Variants in SORCS2 observed in about 807,000 individuals in gnomAD.
SORCS2 encodes the protein VPS10 domain-containing receptor SorCS2.
A neutral mutation model predicts 141.6 loss-of-function variants in SORCS2; 100 were observed. The observed-to-expected ratio is 0.71, with a 90% confidence interval of 0.60 to 0.83. The LOEUF (loss-of-function observed/expected upper bound fraction) is 0.83, where lower values mean the gene tolerates loss of function less well. Ranked by LOEUF, SORCS2 falls within the 40% of genes least tolerant of loss-of-function variation. The pLI is 0.00. For missense variants in SORCS2, 1,646 were observed against 1,560.2 expected (o/e 1.05, Z -0.93); for synonymous variants, 789 against 676.9 (o/e 1.17, Z -2.57).
chr4:7,550,109 CGTGTGTGTGTGTGTATGTGTGTAT>C (rs1481640138), intron 3 of SORCS2, among the ~76,000 whole-genome samples: 3 of 129,734 alleles, frequency 2.3e-5, no homozygotes, highest in Non-Finnish European at 4.9e-5. Flanking sequence ...TTTTTTTTTC[CGTGTGTGTGTGTGTATGTGTGTAT>C]GTGTGTGTGT....
chr4:7,489,227 C>T (rs1731171827), intron 2 of SORCS2, among the ~76,000 whole-genome samples: 2 of 152,202 alleles, frequency 1.3e-5, no homozygotes, highest in Admixed American at 1.3e-4. Context: ...TGGCAGGAAG[C>T]TGGAACTGGT....
At chr4:7,403,986 TATATATATATA>T (rs1369055860) in intron 2 of SORCS2, among the ~76,000 whole-genome samples, 543 of 9,026 alleles carry the variant, frequency 0.06, 6 homozygotes, top group Middle Eastern at 0.25. Flanking sequence ...TATATATATA[TATATATATATA>T]TTTTTTTTTT....
chr4:7,388,017 G>GGC (rs1219612324), intron 1 of SORCS2, among the ~76,000 whole-genome samples: 1 of 106,102 alleles, frequency 9.4e-6, no homozygotes, highest in Non-Finnish European at 2.0e-5. Context: ...CATGCATACA[G>GGC]ATACACAGAT....
At chr4:7,393,641 G>C (rs1013736181) in intron 1 of SORCS2, among the ~76,000 whole-genome samples, 1 of 152,140 alleles carries the variant, frequency 6.6e-6, no homozygotes. Flanking sequence ...GCTCCTGGGG[G>C]CATGGGGGCA....
chr4:7,251,383 G>A (rs1026870482), intron 1 of SORCS2, among the ~76,000 whole-genome samples: 8 of 152,162 alleles, frequency 5.3e-5, no homozygotes, highest in African/African-American at 7.2e-5. Context: ...TATTCAAAAC[G>A]TGGAGAGAGG....
intron 1 of SORCS2, among the ~76,000 whole-genome samples, chr4:7,316,076 A>C (rs1352041828): frequency 2.0e-5 from 3 of 151,858 alleles, no homozygotes; most frequent in African/African-American, 7.3e-5. Context: ...CCATCTGTGC[A>C]TCTGTCCATC....
rs546038016 is a variant in SORCS2, at chr4:7,578,895, C to G, written c.648+47266C>G. Among the ~76,000 whole-genome samples the G allele has an allele frequency of 3.9e-5, 6 of 152,328 alleles. No individual in the cohort carries two copies. The South Asian group carries it at 1.2e-3, about 32-fold the overall frequency. On this transcript the variant is annotated intron_variant, in intron 3 of 26. Transcript: ENST00000507866. Reference sequence around the variant, plus strand: ...TTTGCTGGATAGAAGCCCACCTTATCCCTAAGTTTACTACTTCTCACTACT... The same window carrying G: ...TTTGCTGGATAGAAGCCCACCTTATGCCTAAGTTTACTACTTCTCACTACT...
At chr4:7,588,457 TG>T (rs1489191825) in intron 3 of SORCS2, among the ~76,000 whole-genome samples, 1 of 152,212 alleles carries the variant, frequency 6.6e-6, no homozygotes, top group Non-Finnish European at 1.5e-5. Flanking sequence ...GAGGAGGATC[TG>T]GGGAACTGGC....
At chr4:7,728,521 GC>G in intron 22 of SORCS2, 59 bp downstream of exon 22, 1 of 1,296,138 alleles carries the variant, frequency 7.7e-7, no homozygotes. Flanking sequence ...ATCCAGAGAA[GC>G]CCAAGGGCCC....
At chr4:7,373,735 A>T (rs1354266646) in intron 1 of SORCS2, among the ~76,000 whole-genome samples, 1 of 150,780 alleles carries the variant, frequency 6.6e-6, no homozygotes, top group African/African-American at 2.4e-5. Context: ...CAAGTGATCC[A>T]CCCGCCTCGG....
At chr4:7,536,180 G>T (rs1041761187) in intron 3 of SORCS2, among the ~76,000 whole-genome samples, 1 of 152,220 alleles carries the variant, frequency 6.6e-6, no homozygotes, top group African/African-American at 2.4e-5. Flanking sequence ...AGGCTCCACT[G>T]TTCCTTCTCT....
intron 3 of SORCS2, among the ~76,000 whole-genome samples, chr4:7,537,545 G>T (rs533492389): frequency 1.6e-3 from 243 of 152,294 alleles, no homozygotes; most frequent in African/African-American, 5.3e-3. Context: ...GCTTTGTCCA[G>T]TCTTATAGAG....
intron 4 of SORCS2, among the ~76,000 whole-genome samples, chr4:7,647,675 T>C (rs548743946): frequency 6.6e-6 from 1 of 152,332 alleles, no homozygotes; most frequent in Non-Finnish European, 1.5e-5. Flanking sequence ...GATCCAGTTC[T>C]GATATGGACG....
At chr4:7,685,688 A>AATATATATATATATATATATATATAT (rs5855976) in intron 10 of SORCS2, among the ~76,000 whole-genome samples, 14 of 149,604 alleles carry the variant, frequency 9.4e-5, no homozygotes, top group African/African-American at 3.5e-4. Context: ...AAAATAAATA[A>AATATATATATATATATATATATATAT]ATATATATAT....
chr4:7,692,320 A>G (rs1013875950), intron 11 of SORCS2, among the ~76,000 whole-genome samples: 3 of 152,168 alleles, frequency 2.0e-5, no homozygotes, highest in Admixed American at 1.3e-4. Context: ...CCCGCCGTTC[A>G]TTCCTGAATT....
chr4:7,297,115 G>C (rs1717125899), intron 1 of SORCS2, among the ~76,000 whole-genome samples: 1 of 152,146 alleles, frequency 6.6e-6, no homozygotes, highest in East Asian at 1.9e-4. Context: ...TCCCCTGGAT[G>C]CCCATGGGTT....
intron 1 of SORCS2, among the ~76,000 whole-genome samples, chr4:7,361,769 A>G (rs949997063): frequency 2.0e-5 from 3 of 151,866 alleles, no homozygotes; most frequent in African/African-American, 7.3e-5. Context: ...TGGCTAAGAA[A>G]AAAAAAAACA....
At chr4:7,268,878 G>A (rs965664768) in intron 1 of SORCS2, among the ~76,000 whole-genome samples, 3 of 152,088 alleles carry the variant, frequency 2.0e-5, no homozygotes, top group African/African-American at 7.2e-5. Flanking sequence ...CACAGATGGA[G>A]GAGGCTGATA....
At chr4:7,471,390 C>T (rs1729967680) in intron 2 of SORCS2, among the ~76,000 whole-genome samples, 1 of 152,244 alleles carries the variant, frequency 6.6e-6, no homozygotes, top group African/African-American at 2.4e-5. Context: ...GCGGCCAGGT[C>T]TCCATTTATA....
Sources: allele counts gnomAD v4.1 joint callset (sites outside exome capture counted in the v4.1 genomes callset), GRCh38; gene constraint gnomAD v4.1.1; transcripts MANE v1.5; gene names NCBI Gene and HGNC (gene_info 2026-07-23, HGNC 2026-07-21).